DOP1A: variants seen among roughly 807,000 people sequenced by gnomAD.
DOP1A encodes the protein DOP1 leucine zipper like protein A, also known as protein DOP1A.
In DOP1A, 90 loss-of-function variants were observed where a neutral mutation model predicts 267.6. That is an observed-to-expected ratio of 0.34 (90% CI 0.28 to 0.40). The LOEUF is 0.40. Ranked by LOEUF, DOP1A falls within the 10% of genes least tolerant of loss-of-function variation. DOP1A has a pLI of 1.00. For missense variants in DOP1A, 2,437 were observed against 2,900.4 expected, an observed-to-expected ratio of 0.84 and a Z score of 3.67; for synonymous variants, 932 against 999.1, an observed-to-expected ratio of 0.93 and a Z score of 1.27.
intron 1 of DOP1A, among the ~76,000 whole-genome samples, chr6:83,080,042 A>G (rs2128020940): frequency 6.6e-6 from 1 of 152,302 alleles, no homozygotes; most frequent in African/African-American, 2.4e-5. Flanking sequence ...GCAAAACAGA[A>G]TGTGGTCAAT....
chr6:83,128,506 C>T (rs1172557310), intron 15 of DOP1A, among the ~76,000 whole-genome samples: 1 of 152,188 alleles, frequency 6.6e-6, no homozygotes, highest in Non-Finnish European at 1.5e-5. Flanking sequence ...TGGCCCTGAA[C>T]AGATGACCTA....
At chr6:83,155,329 A>G (rs1156926310) in intron 33 of DOP1A, among the ~76,000 whole-genome samples, 1 of 151,598 alleles carries the variant, frequency 6.6e-6, no homozygotes, top group Non-Finnish European at 1.5e-5. Context: ...AACTGGCCAA[A>G]TGTGGTATGT....
At chr6:83,104,296 T>C (rs1773164900) in intron 4 of DOP1A, among the ~76,000 whole-genome samples, 1 of 152,122 alleles carries the variant, frequency 6.6e-6, no homozygotes, top group Non-Finnish European at 1.5e-5. Flanking sequence ...TTGTATTGAC[T>C]AGGGTCTATA....
Position 83,139,020 on chromosome 6 carries a change from T to C in DOP1A, c.4978T>C (p.Trp1660Arg). ...QHCACKMHPQWIGLITSTLPY... is the reference protein window; with the variant it reads ...QHCACKMHPQRIGLITSTLPY... ...CTGTGCATGTAAGATGCACCCACAA[T>C]GGATTGGTTTAATCACATCTACTCT... is the stretch of plus-strand genomic sequence containing the variant. Residue 1660 changes from tryptophan (W) to arginine (R), a missense_variant, in exon 21 of 39, where the codon TGG becomes CGG. By Grantham distance (101) the Trp-to-Arg change is moderately radical. Around this residue, in one of 9 missense-constraint regions of DOP1A, gnomAD observed 307 missense variants for 308.6 expected, o/e 0.99. Transcript: ENST00000349129. 1 of 1,614,094 alleles carries C rather than the reference T, an allele frequency of 6.2e-7. No individual in the cohort carries two copies. Among genetic ancestry groups the C allele is most frequent in the Non-Finnish European group, 8.5e-7 (1 of 1,179,964 alleles).
chr6:83,137,880 G>T lies in DOP1A; in HGVS notation c.3838G>T (p.Val1280Phe), dbSNP rs1396016525. Reference sequence around the variant, plus strand: ...CTTCAAAGAAAAATTATCAGAAAAAGTTTCGGAGAAGGAAACAATAGTTAA... The same window carrying T: ...CTTCAAAGAAAAATTATCAGAAAAATTTTCGGAGAAGGAAACAATAGTTAA... ...FSFKEKLSEK[V>F]SEKETIVKES... The change falls in exon 21 of 39, where the codon GTT becomes TTT. Residue 1280 changes from valine (V) to phenylalanine (F), a missense_variant. Val to Phe is a conservative substitution (Grantham distance 50). This residue lies in a region of DOP1A where 878 missense variants were observed against 992.9 expected (regional missense o/e 0.88). Coordinates refer to ENST00000349129, the MANE Select transcript of DOP1A (RefSeq NM_015018.4). The T allele has an allele frequency of 6.2e-7, 1 of 1,613,062 alleles. No individual in the cohort carries two copies. Among genetic ancestry groups the T allele is most frequent in the Non-Finnish European group, 8.5e-7 (1 of 1,179,818 alleles).
chr6:83,147,975 A>G (rs1284657384), intron 26 of DOP1A, among the ~76,000 whole-genome samples: 2 of 152,212 alleles, frequency 1.3e-5, no homozygotes, highest in Non-Finnish European at 2.9e-5. Flanking sequence ...AAGGTGAAGG[A>G]AAAAGAACTA....
intron 38 of DOP1A, chr6:83,164,612 AC>A (rs1785003670): frequency 1.3e-6 from 2 of 1,528,148 alleles, no homozygotes; most frequent in East Asian, 4.8e-5. Context: ...GGCCAAGCAT[AC>A]TTTTCACTGG....
intron 1 of DOP1A, among the ~76,000 whole-genome samples, chr6:83,084,811 G>A (rs556317785): frequency 1.9e-4 from 29 of 151,172 alleles, no homozygotes; most frequent in African/African-American, 7.1e-4. Flanking sequence ...GGCTGGTCTC[G>A]AACTCCTGGC....
intron 1 of DOP1A, among the ~76,000 whole-genome samples, chr6:83,080,014 TC>T (rs1767812963): frequency 6.6e-6 from 1 of 152,140 alleles, no homozygotes; most frequent in South Asian, 2.1e-4. Flanking sequence ...TCTTTCTTCT[TC>T]CAAACTATTA....
In DOP1A at chr6:83,108,849, T is replaced by C. The variant is rs1055778210; in HGVS notation, c.321-61T>C. The C allele has an allele frequency of 3.5e-6, 5 of 1,436,366 alleles. No homozygotes were observed. The Middle Eastern group carries it at 5.5e-4, about 158-fold the overall frequency. The allele number at this position is 1,436,366 out of a possible 1,614,324, so 89.0% of individuals were successfully genotyped here. On this transcript the variant is annotated intron_variant, in intron 4 of 38. Coordinates refer to ENST00000349129, the MANE Select transcript of DOP1A (RefSeq NM_015018.4). ...AGAAATATTTATACATATAATTGCA[T>C]ATGAATTAATATTGTATAGTTATTT... is the stretch of plus-strand genomic sequence containing the variant.
intron 36 of DOP1A, among the ~76,000 whole-genome samples, chr6:83,159,442 G>GTTT: frequency 7.1e-6 from 1 of 141,170 alleles, no homozygotes; most frequent in Non-Finnish European, 1.6e-5. Flanking sequence ...CCTGGCTAGT[G>GTTT]TTTTTTTTTT....
chr6:83,074,157 A>C (rs199597080), intron 1 of DOP1A, among the ~76,000 whole-genome samples: 2 of 152,354 alleles, frequency 1.3e-5, no homozygotes, highest in East Asian at 1.9e-4. Flanking sequence ...GAATATTCAA[A>C]GATTAACTTA....
intron 1 of DOP1A, among the ~76,000 whole-genome samples, chr6:83,078,042 A>G (rs1266451687): frequency 6.6e-6 from 1 of 152,228 alleles, no homozygotes; most frequent in Non-Finnish European, 1.5e-5. Context: ...ATGCAGAGAC[A>G]TAGCATTTTG....
intron 6 of DOP1A, 75 bp from the exon 7 acceptor site, chr6:83,113,246 TAA>T: frequency 9.3e-7 from 1 of 1,072,176 alleles, no homozygotes; most frequent in Non-Finnish European, 1.4e-6. Flanking sequence ...TTCGAGAAAA[TAA>T]AGAGTTGTCA....
intron 24 of DOP1A, among the ~76,000 whole-genome samples, chr6:83,143,932 A>G (rs1780050764): frequency 6.6e-6 from 1 of 152,222 alleles, no homozygotes; most frequent in Non-Finnish European, 1.5e-5. Context: ...ACTGGAGATA[A>G]AGAAGAGATC....
chr6:83,105,574 A>T (rs892444647), intron 4 of DOP1A, among the ~76,000 whole-genome samples: 1 of 152,058 alleles, frequency 6.6e-6, no homozygotes, highest in Admixed American at 6.5e-5. Flanking sequence ...TATGTTGGCC[A>T]GGCTGGTCTC....
intron 23 of DOP1A, 51 bp from the exon 24 acceptor site, chr6:83,141,870 G>A (rs773380732): frequency 6.4e-7 from 1 of 1,562,174 alleles, no homozygotes. Context: ...AGTTGTAAAT[G>A]TTTTTTCATT....
intron 1 of DOP1A, among the ~76,000 whole-genome samples, chr6:83,078,851 TTC>T (rs1376860191): frequency 6.6e-6 from 1 of 152,218 alleles, no homozygotes; most frequent in Non-Finnish European, 1.5e-5. Flanking sequence ...CTAGAGTTAA[TTC>T]TCTCTTACAG....
Position 83,119,748 on chromosome 6 carries a change from G to T in DOP1A, c.881G>T (p.Gly294Val), listed in dbSNP as rs756856331. The change falls in exon 9 of 39, where the codon GGT becomes GTT. Residue 294 changes from glycine (G) to valine (V), a missense_variant and splice_region_variant. Physicochemically the swap from Gly to Val is moderately radical, Grantham distance 109 (BLOSUM62 -3). Transcript: ENST00000349129. ...LNRRLYAWLL[G>V]FDNNGAIIGP... ...AATTTTGTGATTTGTTTCCATGGAGGTTTTGATAACAACGGTGCTATCATA... is the reference window on the plus strand; with the variant it reads ...AATTTTGTGATTTGTTTCCATGGAGTTTTTGATAACAACGGTGCTATCATA... 5 of 1,609,048 alleles carry T rather than the reference G, an allele frequency of 3.1e-6. No homozygotes were observed. Among genetic ancestry groups the T allele is most frequent in the Non-Finnish European group, 3.4e-6 (4 of 1,177,578 alleles).
Sources: allele counts gnomAD v4.1 joint callset (sites outside exome capture counted in the v4.1 genomes callset), GRCh38; gene constraint gnomAD v4.1.1; regional missense constraint gnomAD v4.1.1; transcripts MANE v1.5; gene names NCBI Gene and HGNC (gene_info 2026-07-23, HGNC 2026-07-21).